The following RAPGEF2 variants were observed in gnomAD, a reference collection of about 807,000 sequenced individuals.
The protein encoded by RAPGEF2 is PDZ domain containing guanine nucleotide exchange factor (GEF) 1.
In RAPGEF2, 54 loss-of-function variants were observed where a neutral mutation model predicts 186.7. The ratio of observed to expected loss-of-function variants is 0.29; its 90% confidence interval spans 0.23 to 0.36. RAPGEF2 has a LOEUF of 0.36. Among genes scored for constraint, RAPGEF2 ranks in the 10% least tolerant of loss-of-function variants. RAPGEF2 has a pLI of 1.00. For missense variants in RAPGEF2, 1,532 were observed against 2,045.0 expected, an observed-to-expected ratio of 0.75 and a Z score of 4.84; for synonymous variants, 712 against 705.9, an observed-to-expected ratio of 1.01 and a Z score of -0.14.
chr4:159,104,566 G>T (rs527256091), intron 1 of RAPGEF2, among the ~76,000 whole-genome samples: 7 of 148,618 alleles, frequency 4.7e-5, no homozygotes, highest in African/African-American at 1.8e-4. Context: ...GTGTGTGTGT[G>T]TGTGTATGTG....
At chr4:159,131,283 T>A (rs1024322560) in intron 1 of RAPGEF2, among the ~76,000 whole-genome samples, 5 of 152,144 alleles carry the variant, frequency 3.3e-5, no homozygotes, top group South Asian at 4.1e-4. Context: ...GCTAATTGTG[T>A]ATTTTTAGTA....
chr4:159,335,500 C>CT (rs1198137095), intron 17 of RAPGEF2, among the ~76,000 whole-genome samples: 4 of 152,232 alleles, frequency 2.6e-5, no homozygotes, highest in Admixed American at 2.6e-4. Context: ...AATGAGGAAA[C>CT]TGAGAGTAGA....
chr4:159,284,572 G>A (rs1458422381), intron 7 of RAPGEF2, among the ~76,000 whole-genome samples: 2 of 150,854 alleles, frequency 1.3e-5, no homozygotes, highest in East Asian at 2.0e-4. Flanking sequence ...TGGGGGATAC[G>A]CAGTGCCTGA....
rs543194101 is a variant in RAPGEF2, at chr4:159,333,955, G to A, written c.2135+1258G>A. 6.6e-5 allele frequency among the ~76,000 whole-genome samples: 10 copies of A among 152,236 alleles called. No individual in the cohort carries two copies. The South Asian group carries it at 2.1e-3, about 32-fold the overall frequency. On this transcript the variant is annotated intron_variant, in intron 17 of 29. Transcript: ENST00000691494. ...ATTTCAGATAAAATTTTCATCCACA[G>A]ATTAGAGAAATGTGATTTAAAATAT...
At chr4:159,121,668 T>C (rs868617708) in intron 1 of RAPGEF2, among the ~76,000 whole-genome samples, 1 of 151,938 alleles carries the variant, frequency 6.6e-6, no homozygotes, top group African/African-American at 2.4e-5. Context: ...TCAATAAATA[T>C]ATTAAAAAAA....
chr4:159,294,744 C>G (rs775524520), intron 7 of RAPGEF2, among the ~76,000 whole-genome samples: 7 of 151,856 alleles, frequency 4.6e-5, no homozygotes, highest in Admixed American at 3.3e-4. Context: ...GTCACCCAGG[C>G]TGGAGTGCAT....
At chr4:159,109,620 C>T (rs1738272376) in intron 1 of RAPGEF2, among the ~76,000 whole-genome samples, 1 of 152,186 alleles carries the variant, frequency 6.6e-6, no homozygotes, top group African/African-American at 2.4e-5. Flanking sequence ...CCTCAAGTAA[C>T]TCACTAATCT....
chr4:159,337,889 C>CAAAAAAAAAAAAAAAAAAAAA (rs553291521), intron 17 of RAPGEF2, among the ~76,000 whole-genome samples: 2 of 32,576 alleles, frequency 6.1e-5, no homozygotes, highest in Non-Finnish European at 8.5e-5. Flanking sequence ...GACTCCATCT[C>CAAAAAAAAAAAAAAAAAAAAA]AAAAAAAAAA....
At chr4:159,210,662 C>T (rs1255603763) in intron 4 of RAPGEF2, 79 bp downstream of exon 4, 10 of 1,118,134 alleles carry the variant, frequency 8.9e-6, no homozygotes, top group Non-Finnish European at 1.2e-5. Flanking sequence ...AAATTCTTTT[C>T]TCTTCCTGTG....
intron 7 of RAPGEF2, among the ~76,000 whole-genome samples, chr4:159,252,630 A>G (rs1051625300): frequency 2.6e-5 from 4 of 152,176 alleles, no homozygotes; most frequent in African/African-American, 9.7e-5. Context: ...GTTAGACTGA[A>G]AGAGCAGCCA....
intron 20 of RAPGEF2, 59 bp downstream of exon 20, chr4:159,342,006 C>A: frequency 6.8e-7 from 1 of 1,460,920 alleles, no homozygotes; most frequent in Non-Finnish European, 9.2e-7. Context: ...AAATATGTAT[C>A]AGTCCAGGAA....
At chr4:159,172,438 T>C (rs1746007372) in intron 1 of RAPGEF2, among the ~76,000 whole-genome samples, 1 of 152,184 alleles carries the variant, frequency 6.6e-6, no homozygotes, top group Non-Finnish European at 1.5e-5. Context: ...ATTGACTTCA[T>C]AGGATATTCA....
At chr4:159,244,304 A>G (rs930680522) in intron 7 of RAPGEF2, among the ~76,000 whole-genome samples, 11 of 151,914 alleles carry the variant, frequency 7.2e-5, no homozygotes, top group Non-Finnish European at 7.4e-5. Flanking sequence ...CAAAAAGGAA[A>G]CAAAGTTTAA....
chr4:159,178,551 C>CTGTTT (rs1746682899), intron 1 of RAPGEF2, among the ~76,000 whole-genome samples: 1 of 75,470 alleles, frequency 1.3e-5, no homozygotes, highest in Non-Finnish European at 2.3e-5. Context: ...ATGTATTATG[C>CTGTTT]TTTTTTTTTT....
intron 7 of RAPGEF2, among the ~76,000 whole-genome samples, chr4:159,254,867 C>G (rs1407962551): frequency 6.6e-6 from 1 of 152,222 alleles, no homozygotes; most frequent in African/African-American, 2.4e-5. Context: ...TCCCAAAGTG[C>G]TGGGATCACA....
intron 1 of RAPGEF2, among the ~76,000 whole-genome samples, chr4:159,147,372 C>G (rs539648196): frequency 6.9e-6 from 1 of 145,630 alleles, no homozygotes; most frequent in African/African-American, 2.5e-5. Flanking sequence ...ACAAAAATAC[C>G]TTTTTTTTTT....
At chr4:159,252,654 C>T (rs1041893635) in intron 7 of RAPGEF2, among the ~76,000 whole-genome samples, 3 of 151,978 alleles carry the variant, frequency 2.0e-5, no homozygotes, top group Non-Finnish European at 2.9e-5. Flanking sequence ...ATTCTGCAAG[C>T]GGATTAAGTT....
chr4:159,336,800 ATT>A (rs1767497714), intron 17 of RAPGEF2, among the ~76,000 whole-genome samples: 3 of 152,116 alleles, frequency 2.0e-5, no homozygotes, highest in Non-Finnish European at 4.4e-5. Flanking sequence ...AATAGTAGTT[ATT>A]ATGATCAAGC....
intron 7 of RAPGEF2, among the ~76,000 whole-genome samples, chr4:159,303,044 G>A (rs1384244023): frequency 6.6e-6 from 1 of 152,072 alleles, no homozygotes; most frequent in Non-Finnish European, 1.5e-5. Context: ...ATCCAATAAA[G>A]TTATTATTTC....
Sources: gnomAD v4.1 joint callset for allele counts (sites outside exome capture counted in the v4.1 genomes callset) on GRCh38, gnomAD v4.1.1 for gene constraint, MANE v1.5 for transcripts, NCBI Gene and HGNC (gene_info 2026-07-23, HGNC 2026-07-21) for gene names.